Variants in NUP210L observed in about 807,000 individuals in gnomAD.
The protein encoded by NUP210L is nuclear pore membrane glycoprotein 210-like.
A neutral mutation model predicts 208.5 loss-of-function variants in NUP210L; 74 were observed. That is an observed-to-expected ratio of 0.35 (90% CI 0.29 to 0.43). The LOEUF (loss-of-function observed/expected upper bound fraction) is 0.43. Ranked by LOEUF, NUP210L falls within the 20% of genes least tolerant of loss-of-function variation. The pLI, the probability that NUP210L is intolerant of heterozygous loss-of-function variation, is 1.00. For synonymous variants in NUP210L, 780 were observed against 816.9 expected (o/e 0.95, Z 0.77); for missense variants, 1,843 against 2,289.4 (o/e 0.81, Z 3.98).
intron 21 of NUP210L, 108 bp from the exon 22 acceptor site, chr1:154,058,324 T>C (rs1256941542): frequency 8.1e-7 from 1 of 1,238,722 alleles, no homozygotes; most frequent in Non-Finnish European, 1.1e-6. Flanking sequence ...TAAATGATCC[T>C]GGTCAGCCTT....
At position 154,002,002 on chromosome 1, in the gene NUP210L, A is replaced by G. The variant is rs536449678; in HGVS notation, c.4931-17T>C. 1.2e-6 allele frequency: 2 copies of G among 1,611,014 alleles called. No homozygotes were observed. The highest frequency in any genetic ancestry group is 1.7e-5 in the Admixed American group (1 of 59,718). ...CATAAACCCCTGGAAAAAAAAGAGG[A>G]AAAACTGAGCAGGAAGGTTCAGAGG... On this transcript the variant is annotated splice_polypyrimidine_tract_variant and intron_variant, in intron 35 of 39. Coordinates refer to ENST00000368559, the Ensembl canonical transcript of NUP210L.
chr1:154,153,397 C>T (rs994029940), intron 1 of NUP210L, among the ~76,000 whole-genome samples: 1 of 152,168 alleles, frequency 6.6e-6, no homozygotes, highest in African/African-American at 2.4e-5. Flanking sequence ...GCAACATTCG[C>T]CTCCAGGGTT....
intron 10 of NUP210L, among the ~76,000 whole-genome samples, chr1:154,121,268 T>C (rs2148105575): frequency 6.6e-6 from 1 of 152,280 alleles, no homozygotes; most frequent in Non-Finnish European, 1.5e-5. Context: ...AACAGCTGTT[T>C]TGCTATTGCA....
chr1:154,154,884 C>T lies in NUP210L; in HGVS notation c.161G>A (p.Arg54Gln), dbSNP rs570237638. ...CTGGGCCTCCAGCAGGAAAGGCACC[C>T]GGCCTGGCTCTCGGCCGAAGGGTAG... The change falls in exon 1 of 40, where the codon CGG (arginine) becomes CAG (glutamine). Residue 54 changes from arginine to glutamine, a missense_variant. Arg to Gln is a conservative substitution (Grantham distance 43). This residue lies in a region of NUP210L where 542 missense variants were observed against 606.4 expected (regional missense o/e 0.89). Transcript: ENST00000368559. 35 of 1,614,234 alleles carry T rather than the reference C, an allele frequency of 2.2e-5. No individual in the cohort carries two copies. The East Asian group carries it at 7.6e-4, about 35-fold the overall frequency.
chr1:154,073,023 C>G (rs1654838028), intron 16 of NUP210L, among the ~76,000 whole-genome samples: 5 of 152,160 alleles, frequency 3.3e-5, no homozygotes, highest in Admixed American at 3.3e-4. Flanking sequence ...ATCTATACAT[C>G]TGACAAAGAA....
Position 154,152,889 on chromosome 1 carries a change from C to T in NUP210L, c.204-17G>A. The T allele has an allele frequency of 1.2e-6, 2 of 1,612,902 alleles. No homozygotes were observed. The highest frequency in any genetic ancestry group is 1.7e-6 in the Non-Finnish European group (2 of 1,178,972). ...GTGGAATGCCTGCCAGAACAAAATT[C>T]TTAAGAGTGTGAAATAGGTGGGTTA... On this transcript the variant is annotated splice_polypyrimidine_tract_variant and intron_variant, in intron 1 of 39. Transcript: ENST00000368559.
intron 25 of NUP210L, among the ~76,000 whole-genome samples, chr1:154,048,641 C>T (rs1009302625): frequency 6.6e-6 from 1 of 152,290 alleles, no homozygotes; most frequent in South Asian, 2.1e-4. Context: ...CAATGTCTGT[C>T]CCCCACCACA....
chr1:153,995,042 T>G, intron 38 of NUP210L, 34 bp downstream of exon 38: 2 of 1,333,948 alleles, frequency 1.5e-6, no homozygotes, highest in Non-Finnish European at 2.1e-6. Flanking sequence ...AGTTTTCATG[T>G]CAAAGTCTAT....
intron 13 of NUP210L, among the ~76,000 whole-genome samples, chr1:154,101,198 G>T (rs1490571097): frequency 7.3e-6 from 1 of 136,514 alleles, no homozygotes; most frequent in African/African-American, 2.6e-5. Context: ...AAAAAATTTG[G>T]CTGGGGGCGG....
chr1:154,038,471 T>C (rs755842436), intron 27 of NUP210L, among the ~76,000 whole-genome samples: 22 of 152,030 alleles, frequency 1.4e-4, no homozygotes, highest in Non-Finnish European at 2.8e-4. Context: ...GCCTCCTAAG[T>C]AGCTGGGATT....
At chr1:154,132,622 G>GA (rs755826052) in intron 7 of NUP210L, among the ~76,000 whole-genome samples, 2 of 151,824 alleles carry the variant, frequency 1.3e-5, no homozygotes, top group East Asian at 3.9e-4. Context: ...TGATACTTTG[G>GA]AAAAAAATAA....
At chr1:154,093,536 A>C (rs1196781671) in intron 15 of NUP210L, among the ~76,000 whole-genome samples, 1 of 152,232 alleles carries the variant, frequency 6.6e-6, no homozygotes, top group East Asian at 1.9e-4. Context: ...AGTTCACTAC[A>C]AATATTAGAA....
chr1:153,995,065 A>G lies in NUP210L; in HGVS notation c.5491+11T>C. ...TGTCAAAGTCTATGTTATTGAATATAAGGACTCTACCTAGGAAGATGGAAG... is the reference window on the plus strand; with the variant it reads ...TGTCAAAGTCTATGTTATTGAATATGAGGACTCTACCTAGGAAGATGGAAG... On this transcript the variant is annotated intron_variant, in intron 38 of 39. Coordinates refer to ENST00000368559, the Ensembl canonical transcript of NUP210L. The G allele has an allele frequency of 1.3e-6, 2 of 1,548,850 alleles. No individual in the cohort carries two copies. Among genetic ancestry groups the G allele is most frequent in the Non-Finnish European group, 8.9e-7 (1 of 1,128,988 alleles).
intron 10 of NUP210L, among the ~76,000 whole-genome samples, chr1:154,120,630 T>TAAA (rs553188982): frequency 1.7e-4 from 20 of 117,890 alleles, no homozygotes; most frequent in Non-Finnish European, 3.7e-4. Context: ...GTATAATAAT[T>TAAA]AAAAAAAAAA....
chr1:154,014,578 A>C (rs1318647181), intron 33 of NUP210L, among the ~76,000 whole-genome samples: 1 of 152,220 alleles, frequency 6.6e-6, no homozygotes, highest in African/African-American at 2.4e-5. Context: ...CTTCAAGCAC[A>C]ACATGTACTT....
intron 27 of NUP210L, among the ~76,000 whole-genome samples, chr1:154,040,406 A>G (rs570182053): frequency 6.6e-6 from 1 of 151,976 alleles, no homozygotes; most frequent in South Asian, 2.1e-4. Flanking sequence ...AAAAAGAAAG[A>G]ATAAAGGAGA....
intron 12 of NUP210L, among the ~76,000 whole-genome samples, chr1:154,114,070 G>C (rs1031689377): frequency 3.3e-5 from 5 of 151,246 alleles, no homozygotes; most frequent in African/African-American, 1.2e-4. Flanking sequence ...TTGAACTCGA[G>C]AGGCGGAGGT....
At chr1:154,130,458 A>T (rs1037390578) in intron 7 of NUP210L, among the ~76,000 whole-genome samples, 4 of 151,802 alleles carry the variant, frequency 2.6e-5, no homozygotes, top group Non-Finnish European at 4.4e-5. Flanking sequence ...TTTTTAGTAG[A>T]GACAGGGTTT....
intron 5 of NUP210L, among the ~76,000 whole-genome samples, chr1:154,139,393 A>G (rs1371456209): frequency 6.6e-6 from 1 of 152,182 alleles, no homozygotes; most frequent in Admixed American, 6.6e-5. Flanking sequence ...GTTTAAGATA[A>G]TTGTTTAATG....
Sources: gnomAD v4.1 joint callset for allele counts (sites outside exome capture counted in the v4.1 genomes callset) on GRCh38, gnomAD v4.1.1 for gene constraint, gnomAD v4.1.1 regional missense constraint, MANE v1.5 for transcripts, NCBI Gene and HGNC (gene_info 2026-07-23, HGNC 2026-07-21) for gene names.